The following PCDHA7 variants were observed in gnomAD, a reference collection of about 807,000 sequenced individuals.
PCDHA7 encodes protocadherin alpha-7.
In PCDHA7, 37 loss-of-function variants were observed where a neutral mutation model predicts 57.2. The ratio of observed to expected loss-of-function variants is 0.65; its 90% confidence interval spans 0.50 to 0.85. The LOEUF is 0.85. Among genes scored for constraint, PCDHA7 ranks in the 40% least tolerant of loss-of-function variants. PCDHA7 has a pLI of 0.00. For missense variants in PCDHA7, 1,188 were observed against 1,241.8 expected, an observed-to-expected ratio of 0.96 and a Z score of 0.65; for synonymous variants, 553 against 558.8, an observed-to-expected ratio of 0.99 and a Z score of 0.15.
At chr5:141,000,391 CTCTCTATATATA>C (rs1452985170) in intron 3 of PCDHA7, among the ~76,000 whole-genome samples, 26 of 56,648 alleles carry the variant, frequency 4.6e-4, no homozygotes, top group Middle Eastern at 0.011. Flanking sequence ...CTCTCTCTCT[CTCTCTATATATA>C]TATATATATA....
At position 140,852,693 on chromosome 5, in the gene PCDHA7, C is replaced by T. The variant is rs138488585; in HGVS notation, c.2355+15955C>T. 6.9e-4 allele frequency: 673 copies of T among 973,480 alleles called. 53 individuals carry two copies. Among genetic ancestry groups the T allele is most frequent in the African/African-American group, 2.3e-3 (127 of 56,176 alleles). The allele number at this position is 973,480 out of a possible 1,614,324, so 60.3% of individuals were successfully genotyped here. A position where few individuals can be genotyped will look rare whatever the true frequency, so the allele number is the denominator to read the frequency against. Reference sequence around the variant, plus strand: ...AACTCACCTTGAATATAGTCTTATACTTTCAAGTATCTTTGTCTTTGCACG... The same window carrying T: ...AACTCACCTTGAATATAGTCTTATATTTTCAAGTATCTTTGTCTTTGCACG... On this transcript the variant is annotated intron_variant, in intron 1 of 3. Transcript: ENST00000525929.
intron 1 of PCDHA7, chr5:140,927,062 T>C: frequency 6.2e-7 from 1 of 1,611,326 alleles, no homozygotes; most frequent in Non-Finnish European, 8.5e-7. Flanking sequence ...AACTTTCGCT[T>C]CCTTTCCAGC....
chr5:140,890,452 G>A (rs72800989), intron 1 of PCDHA7, among the ~76,000 whole-genome samples: 2,230 of 151,860 alleles, frequency 0.015, 28 homozygotes, highest in Non-Finnish European at 0.022. Context: ...GATATCTTTA[G>A]GCACAAATAT....
intron 1 of PCDHA7, among the ~76,000 whole-genome samples, chr5:140,906,332 T>C (rs2072570393): frequency 6.6e-6 from 1 of 152,186 alleles, no homozygotes; most frequent in Non-Finnish European, 1.5e-5. Context: ...CAACTATCCT[T>C]CATACAACCA....
Position 140,882,649 on chromosome 5 carries a change from C to T in PCDHA7, c.2355+45911C>T, listed in dbSNP as rs559940161. On this transcript the variant is annotated intron_variant, in intron 1 of 3. Transcript: ENST00000525929. ...TGGAGGTGAAGGTGAGGGACATTAA[C>T]GACAACCCGCCCATATTCCCTGAAA... The T allele has an allele frequency of 6.2e-6, 10 of 1,614,214 alleles. No individual in the cohort carries two copies. In the African/African-American group the frequency reaches 1.1e-4, roughly 17 times the overall value.
intron 1 of PCDHA7, among the ~76,000 whole-genome samples, chr5:140,888,414 T>C (rs530730994): frequency 2.6e-5 from 4 of 152,170 alleles, no homozygotes; most frequent in Non-Finnish European, 5.9e-5. Context: ...CTGCCAAACA[T>C]CCTACCGTGC....
chr5:140,889,978 A>C (rs1326390288), intron 1 of PCDHA7, among the ~76,000 whole-genome samples: 1 of 152,202 alleles, frequency 6.6e-6, no homozygotes, highest in Non-Finnish European at 1.5e-5. Flanking sequence ...TCCAGTCTCC[A>C]GTTGTCTTAG....
chr5:140,911,234 C>T (rs1554194655), intron 1 of PCDHA7, among the ~76,000 whole-genome samples: 1 of 151,890 alleles, frequency 6.6e-6, no homozygotes, highest in East Asian at 1.9e-4. Context: ...TTTCTTCTGG[C>T]AAAAAAAGTT....
chr5:140,985,111 G>A (rs1252708098), intron 3 of PCDHA7, among the ~76,000 whole-genome samples: 2 of 151,892 alleles, frequency 1.3e-5, no homozygotes, highest in African/African-American at 2.4e-5. Context: ...CTAATTTTTT[G>A]TGTTTTTAGT....
At chr5:140,911,845 A>G (rs1184698013) in intron 1 of PCDHA7, among the ~76,000 whole-genome samples, 2 of 152,216 alleles carry the variant, frequency 1.3e-5, no homozygotes, top group Non-Finnish European at 2.9e-5. Context: ...AAAGAACTCC[A>G]TCCTTAATAG....
intron 1 of PCDHA7, among the ~76,000 whole-genome samples, chr5:140,846,143 A>G (rs1780220723): frequency 6.7e-6 from 1 of 149,736 alleles, no homozygotes; most frequent in African/African-American, 2.4e-5. Context: ...TCCCATATTT[A>G]AAAGTTGCCT....
At chr5:140,838,077 AGTGTGTGTGTGTGT>A (rs57130401) in intron 1 of PCDHA7, among the ~76,000 whole-genome samples, 81 of 80,694 alleles carry the variant, frequency 1.0e-3, no homozygotes, top group East Asian at 2.9e-3. Flanking sequence ...ATATATATAT[AGTGTGTGTGTGTGT>A]GTGTGTGTGT....
chr5:140,909,411 CATTTGG>C (rs2074480921), intron 1 of PCDHA7, among the ~76,000 whole-genome samples: 2 of 152,142 alleles, frequency 1.3e-5, no homozygotes, highest in African/African-American at 4.8e-5. Flanking sequence ...TTGCAGTTAC[CATTTGG>C]TTAAACTTAT....
chr5:140,842,923 G>A (rs1454806269), intron 1 of PCDHA7: 1 of 1,594,526 alleles, frequency 6.3e-7, no homozygotes, highest in Non-Finnish European at 8.6e-7. Flanking sequence ...TGCAGTTCCA[G>A]GTGAGCGCGC....
In PCDHA7 at chr5:140,836,168, T is replaced by G; in HGVS notation, c.1785T>G (p.Arg595=). ...VGAGHVVAKV[R]AVDADSGYNA... is the part of the protein sequence containing the mutation. ...CGGGCCATGTGGTGGCGAAGGTACG[T>G]GCAGTTGACGCTGACTCAGGCTACA... Residue 595 remains arginine (R), a synonymous_variant, in exon 1 of 4, where the codon CGT becomes CGG. Transcript: ENST00000525929. The G allele has an allele frequency of 1.2e-6, 2 of 1,613,802 alleles. No homozygotes were observed. Among genetic ancestry groups the G allele is most frequent in the African/African-American group, 1.3e-5 (1 of 74,988 alleles).
intron 1 of PCDHA7, chr5:140,876,892 A>G (rs782046911): frequency 1.2e-6 from 2 of 1,614,044 alleles, no homozygotes; most frequent in South Asian, 1.1e-5. Context: ...GGGCTGCCAC[A>G]TCTTCACGGT....
intron 1 of PCDHA7, among the ~76,000 whole-genome samples, chr5:140,892,977 G>A (rs188368199): frequency 1.8e-4 from 27 of 152,270 alleles, no homozygotes; most frequent in Admixed American, 6.5e-4. Flanking sequence ...TTTTGTAGCT[G>A]CCGTATAAGT....
At chr5:140,878,832 G>A (rs1416879653) in intron 1 of PCDHA7, among the ~76,000 whole-genome samples, 1 of 152,138 alleles carries the variant, frequency 6.6e-6, no homozygotes, top group African/African-American at 2.4e-5. Flanking sequence ...TGCACAGGCT[G>A]GACTAGAACT....
At chr5:140,944,746 A>G (rs1009788923) in intron 1 of PCDHA7, among the ~76,000 whole-genome samples, 6 of 152,214 alleles carry the variant, frequency 3.9e-5, no homozygotes, top group African/African-American at 1.4e-4. Context: ...GAGCATTTAC[A>G]TGGAAAAAAT....
Sources: gnomAD v4.1 joint callset for allele counts (sites outside exome capture counted in the v4.1 genomes callset) on GRCh38, gnomAD v4.1.1 for gene constraint, MANE v1.5 for transcripts, NCBI Gene and HGNC (gene_info 2026-07-23, HGNC 2026-07-21) for gene names.